Variants in POU3F3 observed in about 807,000 individuals in gnomAD.
POU3F3 encodes the protein POU class 3 homeobox 3.
A neutral mutation model predicts 8.6 loss-of-function variants in POU3F3; 1 was observed. The observed-to-expected ratio is 0.12, with a 90% CI of 0.04 to 0.55. The LOEUF is 0.55. Ranked by LOEUF, POU3F3 falls within the 20% of genes least tolerant of loss-of-function variation. The pLI is 0.91. For missense variants in POU3F3, 577 were observed against 690.7 expected, an observed-to-expected ratio of 0.84 and a Z score of 1.84; for synonymous variants, 418 against 327.4, an observed-to-expected ratio of 1.28 and a Z score of -2.99.
At position 104,855,927 on chromosome 2, in the gene POU3F3, G is replaced by A. The variant is rs1558703152; in HGVS notation, c.417G>A (p.Pro139=). 1.9e-6 allele frequency: 2 copies of A among 1,062,184 alleles called. No homozygotes were observed. Among genetic ancestry groups the A allele is most frequent in the Non-Finnish European group, 2.3e-6 (2 of 878,974 alleles). The allele number at this position is 1,062,184 out of a possible 1,614,324, so 65.8% of individuals were successfully genotyped here. Residue 139 remains proline, a synonymous_variant, in exon 1 of 1, where the codon CCG becomes CCA. Coordinates refer to ENST00000361360, the MANE Select transcript of POU3F3 (RefSeq NM_006236.3). ...MAGSPQQPPQ[P]PPPPPQGPDV... Reference sequence around the variant, plus strand: ...GCAGCCCCCAGCAGCCACCGCAGCCGCCGCCGCCACCGCCGCAGGGCCCCG... The same window carrying A: ...GCAGCCCCCAGCAGCCACCGCAGCCACCGCCGCCACCGCCGCAGGGCCCCG...
the POU3F3 span, among the ~76,000 whole-genome samples, chr2:104,879,186 G>A: frequency 3.3e-5 from 5 of 151,524 alleles, no homozygotes; most frequent in Admixed American, 6.6e-5. Context: ...TGCATACAAC[G>A]TATGCAGTAC....
downstream of POU3F3, among the ~76,000 whole-genome samples, chr2:104,861,957 C>A (rs1034046036): frequency 2.6e-5 from 4 of 152,188 alleles, no homozygotes; most frequent in Non-Finnish European, 5.9e-5. Context: ...CTGAACTTTG[C>A]AGCCTAGGAA....
chr2:104,901,014 G>A, the POU3F3 span, among the ~76,000 whole-genome samples: 1 of 152,136 alleles, frequency 6.6e-6, no homozygotes, highest in Non-Finnish European at 1.5e-5. Context: ...TGCTTAACTT[G>A]TAAAATGCTA....
At chr2:104,873,610 A>G in the POU3F3 span, among the ~76,000 whole-genome samples, 1 of 152,176 alleles carries the variant, frequency 6.6e-6, no homozygotes, top group Non-Finnish European at 1.5e-5. Context: ...GTGGTTAGAA[A>G]GTCTTGGGCG....
the POU3F3 span, among the ~76,000 whole-genome samples, chr2:104,883,398 G>T: frequency 6.6e-6 from 1 of 152,316 alleles, no homozygotes; most frequent in African/African-American, 2.4e-5. Flanking sequence ...GTTTTGTTTT[G>T]TTTTCCCCCT....
chr2:104,904,581 GT>G, the POU3F3 span, among the ~76,000 whole-genome samples: 1 of 151,934 alleles, frequency 6.6e-6, no homozygotes, highest in South Asian at 2.1e-4. Flanking sequence ...TACTATAAAT[GT>G]TCCTTACTAT....
Position 104,855,542 on chromosome 2 carries a change from C to G in POU3F3, c.32C>G (p.Pro11Arg). MATAASNPYLPGNSLLAAGSI... is the reference protein window; with the variant it reads MATAASNPYLRGNSLLAAGSI... ...ACGGCGGCTTCTAACCCCTACCTGC[C>G]GGGGAACAGCCTGCTCGCGGCCGGC... is the stretch of plus-strand genomic sequence containing the variant. The change falls in exon 1 of 1, where the codon CCG becomes CGG. Residue 11 changes from proline (P) to arginine (R), a missense_variant. Physicochemically the swap from Pro to Arg is moderately radical, Grantham distance 103. Transcript: ENST00000361360. 2 of 1,040,096 alleles carry G rather than the reference C, an allele frequency of 1.9e-6. No individual in the cohort carries two copies. Among genetic ancestry groups the G allele is most frequent in the Non-Finnish European group, 2.3e-6 (2 of 863,860 alleles). 64.4% of individuals were successfully genotyped at this position (1,040,096 alleles called of 1,614,324 possible). A position where few individuals can be genotyped will look rare whatever the true frequency, so the allele number is the denominator to read the frequency against.
the POU3F3 span, among the ~76,000 whole-genome samples, chr2:104,913,947 T>C: frequency 2.0e-5 from 3 of 152,218 alleles, no homozygotes; most frequent in Admixed American, 6.5e-5. Flanking sequence ...ACAGTGAATG[T>C]CCAGTTTTTG....
At chr2:104,895,914 G>C in the POU3F3 span, among the ~76,000 whole-genome samples, 2 of 152,186 alleles carry the variant, frequency 1.3e-5, no homozygotes, top group African/African-American at 4.8e-5. Context: ...TGGGGAGTAT[G>C]AGTTCTCTCC....
At chr2:104,858,755 A>G (rs1286953633), downstream of POU3F3, among the ~76,000 whole-genome samples, 1 of 152,260 alleles carries the variant, frequency 6.6e-6, no homozygotes, top group East Asian at 1.9e-4. Context: ...ATTTTAACAT[A>G]GTAGTCACTC....
chr2:104,876,378 A>G, the POU3F3 span, among the ~76,000 whole-genome samples: 1 of 152,180 alleles, frequency 6.6e-6, no homozygotes, highest in Non-Finnish European at 1.5e-5. Context: ...GGGCTGAGTA[A>G]TAGCCACTGT....
chr2:104,884,871 G>C, the POU3F3 span, among the ~76,000 whole-genome samples: 1 of 152,176 alleles, frequency 6.6e-6, no homozygotes. Flanking sequence ...GAGAGAAGGA[G>C]AGGTTATTTC....
chr2:104,916,632 A>G, the POU3F3 span, among the ~76,000 whole-genome samples: 105,657 of 152,030 alleles, frequency 0.69, 37,126 homozygotes, highest in East Asian at 0.81. Context: ...AGAAGCCACA[A>G]CCTTTTCCTT....
chr2:104,912,128 A>G, the POU3F3 span, among the ~76,000 whole-genome samples: 2 of 152,164 alleles, frequency 1.3e-5, no homozygotes, highest in Non-Finnish European at 2.9e-5. Flanking sequence ...CATCCCCTCC[A>G]GGGATTCGGA....
the POU3F3 span, among the ~76,000 whole-genome samples, chr2:104,885,498 G>C: frequency 6.6e-6 from 1 of 152,208 alleles, no homozygotes; most frequent in African/African-American, 2.4e-5. Context: ...CCAAGAAGGC[G>C]ATGAAAGTGA....
At chr2:104,913,568 G>A in the POU3F3 span, among the ~76,000 whole-genome samples, 1 of 152,260 alleles carries the variant, frequency 6.6e-6, no homozygotes, top group African/African-American at 2.4e-5. Flanking sequence ...ACTCAGTCCA[G>A]GAATCACACA....
chr2:104,894,443 G>T, the POU3F3 span, among the ~76,000 whole-genome samples: 106 of 152,248 alleles, frequency 7.0e-4, no homozygotes, highest in Non-Finnish European at 1.4e-3. Context: ...AGTTCTGGTG[G>T]GTTCCCGGTC....
chr2:104,856,966 G>A lies in POU3F3; in HGVS notation c.1456G>A (p.Ala486Thr), dbSNP rs1433933507. The change falls in exon 1 of 1, where the codon GCC becomes ACC. Residue 486 changes from alanine (A) to threonine (T), a missense_variant. Transcript: ENST00000361360. ...CTACTCGCAGGTGGGCACCGTGAGC[G>A]CCGACACGCCGCCGCCTCACCACGG... ...DVYSQVGTVS[A>T]DTPPPHHGLQ... 2 of 1,610,818 alleles carry A rather than the reference G, an allele frequency of 1.2e-6. No individual in the cohort carries two copies. The highest frequency in any genetic ancestry group is 1.7e-6 in the Non-Finnish European group (2 of 1,179,256).
the POU3F3 span, among the ~76,000 whole-genome samples, chr2:104,881,217 G>A: frequency 1.3e-5 from 2 of 150,434 alleles, no homozygotes; most frequent in African/African-American, 4.9e-5. Flanking sequence ...GGAGGGAGTG[G>A]TGCAATCATG....
Sources: gnomAD v4.1 joint callset for allele counts (sites outside exome capture counted in the v4.1 genomes callset) on GRCh38, gnomAD v4.1.1 for gene constraint, MANE v1.5 for transcripts, NCBI Gene and HGNC (gene_info 2026-07-23, HGNC 2026-07-21) for gene names.